NRG3: variants seen among roughly 807,000 people sequenced by gnomAD.
The protein encoded by NRG3 is pro-neuregulin-3, membrane-bound isoform.
Under a neutral mutation model 66.9 loss-of-function variants are expected in NRG3, and 31 were observed. The ratio of observed to expected loss-of-function variants is 0.46; its 90% CI spans 0.35 to 0.63. The LOEUF (loss-of-function observed/expected upper bound fraction) is 0.63. Among genes scored for constraint, NRG3 ranks in the 20% least tolerant of loss-of-function variants. The probability of loss-of-function intolerance (pLI) is 0.00; values close to 1 mark genes in which losing one functional copy is unlikely to be tolerated. For missense variants in NRG3, 910 were observed against 878.9 expected (o/e 1.04, Z -0.45); for synonymous variants, 393 against 359.4 (o/e 1.09, Z -1.06).
chr10:82,893,723 T>C (rs1843390015), intron 4 of NRG3, among the ~76,000 whole-genome samples: 2 of 152,082 alleles, frequency 1.3e-5, no homozygotes, highest in Non-Finnish European at 2.9e-5. Context: ...ATACAAATAC[T>C]TCATATTGAA....
chr10:82,585,154 C>G (rs562215864), intron 2 of NRG3, among the ~76,000 whole-genome samples: 5 of 151,972 alleles, frequency 3.3e-5, no homozygotes, highest in African/African-American at 4.8e-5. Flanking sequence ...CCCAGCTCTG[C>G]TCTCAACTCA....
intron 1 of NRG3, among the ~76,000 whole-genome samples, chr10:81,899,353 G>A (rs1222566014): frequency 6.6e-6 from 1 of 152,192 alleles, no homozygotes; most frequent in Non-Finnish European, 1.5e-5. Flanking sequence ...TAGTTTACGT[G>A]AAATAGTCAA....
At chr10:81,909,636 A>T (rs1844931281) in intron 1 of NRG3, among the ~76,000 whole-genome samples, 1 of 152,220 alleles carries the variant, frequency 6.6e-6, no homozygotes, top group Non-Finnish European at 1.5e-5. Context: ...TAAAAGGCCT[A>T]TTGATGATGT....
intron 1 of NRG3, among the ~76,000 whole-genome samples, chr10:82,098,273 T>A (rs1590102176): frequency 7.1e-6 from 1 of 140,008 alleles, no homozygotes; most frequent in East Asian, 2.4e-4. Context: ...ATAGATGTCA[T>A]ATATATATGT....
chr10:82,619,869 C>G (rs958228184), intron 2 of NRG3, among the ~76,000 whole-genome samples: 55 of 152,216 alleles, frequency 3.6e-4, no homozygotes, highest in Admixed American at 3.4e-3. Context: ...CCTTAGACTT[C>G]TAGCCTCCAG....
intron 3 of NRG3, among the ~76,000 whole-genome samples, chr10:82,836,936 C>T (rs2062811277): frequency 6.6e-6 from 1 of 152,052 alleles, no homozygotes; most frequent in African/African-American, 2.4e-5. Flanking sequence ...TGTTCCCCTT[C>T]CTGTGTCCAT....
intron 1 of NRG3, among the ~76,000 whole-genome samples, chr10:82,208,428 A>G (rs2075235474): frequency 1.3e-5 from 2 of 152,208 alleles, no homozygotes; most frequent in South Asian, 4.1e-4. Flanking sequence ...TGTCTCATTT[A>G]TACCTCTCAG....
intron 2 of NRG3, among the ~76,000 whole-genome samples, chr10:82,720,388 A>G (rs1029352590): frequency 1.3e-5 from 2 of 152,046 alleles, no homozygotes; most frequent in South Asian, 2.1e-4. Flanking sequence ...CAAAAAAAAA[A>G]CAAAACTAAC....
chr10:82,723,965 G>A (rs1199848563), intron 2 of NRG3, among the ~76,000 whole-genome samples: 1 of 150,760 alleles, frequency 6.6e-6, no homozygotes, highest in Non-Finnish European at 1.5e-5. Context: ...GGGCGACAGA[G>A]CGAGACTCCA....
chr10:82,879,728 G>A (rs984077290), intron 4 of NRG3, among the ~76,000 whole-genome samples: 1 of 151,742 alleles, frequency 6.6e-6, no homozygotes, highest in Non-Finnish European at 1.5e-5. Flanking sequence ...CGCCCTCCTC[G>A]GCCTCCCAAA....
intron 4 of NRG3, among the ~76,000 whole-genome samples, chr10:82,892,277 T>TGTA (rs1843221605): frequency 6.6e-6 from 1 of 151,686 alleles, no homozygotes; most frequent in African/African-American, 2.4e-5. Flanking sequence ...AAGTCTTCAG[T>TGTA]GTAGCCAAAA....
At chr10:82,402,494 C>T (rs752129975) in intron 2 of NRG3, among the ~76,000 whole-genome samples, 5 of 152,160 alleles carry the variant, frequency 3.3e-5, no homozygotes, top group Non-Finnish European at 7.4e-5. Context: ...TCCTCAGGTA[C>T]AGACTGACCC....
rs764580983 is a variant in NRG3 at position 81,876,093 on chromosome 10, C to CTCCTCTTCT, written c.768_776dup (p.Ser258_Ser260dup). 42 of 1,613,194 alleles carry CTCCTCTTCT rather than the reference C, an allele frequency of 2.6e-5. No homozygotes were observed. The highest frequency in any genetic ancestry group is 2.4e-4 in the African/African-American group (18 of 74,888). Reference sequence around the variant, plus strand: ...CCCTGTCTCCCTTTCAGGATGCTGCCTCCTCTTCTTCCTCTTCTTCCTCCT... The same window carrying CTCCTCTTCT: ...CCCTGTCTCCCTTTCAGGATGCTGCCTCCTCTTCTTCCTCTTCTTCCTCTTCTTCCTCCT... On this transcript the variant is annotated inframe_insertion, in exon 1 of 9. Transcript: ENST00000372141.
rs781133920 is a variant in NRG3 at position 82,340,301 on chromosome 10, CCACCA to C, written c.824-18431_824-18427del. On this transcript the variant is annotated intron_variant, in intron 1 of 8. Transcript: ENST00000372141. The stretch of plus-strand genomic sequence containing the variant: ...AGTCTTTCTTGCATAAAATGCGGAG[CCACCA>C]CACCACTACTGACAAAAGTGCCCTC... Among the ~76,000 whole-genome samples, 25 of 152,316 alleles carry C rather than the reference CCACCA, an allele frequency of 1.6e-4. No homozygotes were observed. The East Asian group carries it at 4.8e-3, about 29-fold the overall frequency.
intron 2 of NRG3, among the ~76,000 whole-genome samples, chr10:82,391,756 T>G (rs934660003): frequency 6.6e-6 from 1 of 152,088 alleles, no homozygotes; most frequent in African/African-American, 2.4e-5. Context: ...TAAGCTTTTG[T>G]GTGTTTTTTA....
rs550928155 is a variant in NRG3, at chr10:82,706,894, T to C, written c.954-31683T>C. Among the ~76,000 whole-genome samples, 9 of 151,754 alleles carry C rather than the reference T, an allele frequency of 5.9e-5. No individual in the cohort carries two copies. In the East Asian group the frequency reaches 1.7e-3, roughly 29 times the overall value. On this transcript the variant is annotated intron_variant, in intron 2 of 8. Coordinates refer to ENST00000372141, the MANE Select transcript of NRG3 (RefSeq NM_001010848.4). ...CTTTAATCCCAGCTACTTGGGAGGC[T>C]GAAGCAGGAGAACTGCATGAACCCA...
chr10:82,576,409 C>A (rs1386672270), intron 2 of NRG3, among the ~76,000 whole-genome samples: 1 of 151,426 alleles, frequency 6.6e-6, no homozygotes, highest in Non-Finnish European at 1.5e-5. Flanking sequence ...CCCTCCTAGA[C>A]ATCTAATATA....
intron 2 of NRG3, among the ~76,000 whole-genome samples, chr10:82,473,553 G>A (rs1212050143): frequency 1.3e-5 from 2 of 152,148 alleles, no homozygotes; most frequent in East Asian, 3.9e-4. Flanking sequence ...AAGGTATACA[G>A]CAACCAAATA....
chr10:82,640,055 G>A (rs188223522), intron 2 of NRG3, among the ~76,000 whole-genome samples: 32 of 152,238 alleles, frequency 2.1e-4, no homozygotes, highest in African/African-American at 6.5e-4. Context: ...GTTTGCTAGG[G>A]ATAATGGCCT....
Sources: gnomAD v4.1 joint callset for allele counts (sites outside exome capture counted in the v4.1 genomes callset) on GRCh38, gnomAD v4.1.1 for gene constraint, MANE v1.5 for transcripts, NCBI Gene and HGNC (gene_info 2026-07-23, HGNC 2026-07-21) for gene names.